The following WDFY3 variants were observed in gnomAD, a reference collection of about 807,000 sequenced individuals.
The protein encoded by WDFY3 is WD repeat and FYVE domain-containing protein 3.
A neutral mutation model predicts 409.6 loss-of-function variants in WDFY3; 66 were observed. That is an observed-to-expected ratio of 0.16 (90% CI 0.13 to 0.20). The LOEUF (loss-of-function observed/expected upper bound fraction) is 0.20. Among genes scored for constraint, WDFY3 ranks in the 10% least tolerant of loss-of-function variants. WDFY3 has a pLI of 1.00. For synonymous variants in WDFY3, 1,521 were observed against 1,537.1 expected (o/e 0.99, Z 0.25); for missense variants, 3,031 against 4,298.1 (o/e 0.71, Z 8.24).
chr4:84,794,557 A>G lies in WDFY3; in HGVS notation c.3449T>C (p.Leu1150Pro). 1 of 1,614,136 alleles carries G rather than the reference A, an allele frequency of 6.2e-7. No individual in the cohort carries two copies. Among genetic ancestry groups the G allele is most frequent in the Non-Finnish European group, 8.5e-7 (1 of 1,180,004 alleles). The change falls in exon 21 of 68, where the codon CTG becomes CCG. Residue 1150 changes from leucine to proline, a missense_variant. Leu to Pro is a moderately conservative substitution (Grantham distance 98). This residue lies in a region of WDFY3 where 1,322 missense variants were observed against 1,697.9 expected (regional missense o/e 0.78). Transcript: ENST00000295888. ...GAGTTCCTCTTTGGTGGAAACAATC[A>G]GAGATCGGTCTTTTGCTGATAGAAC... ...AIVLSAKDRS[L>P]IVSTKEELLQ...
intron 42 of WDFY3, among the ~76,000 whole-genome samples, chr4:84,735,539 C>A (rs183424556): frequency 3.3e-5 from 5 of 152,336 alleles, no homozygotes; most frequent in Non-Finnish European, 7.3e-5. Flanking sequence ...AGCACTGCAG[C>A]CTGACTTTTC....
At chr4:84,709,465 A>ATTAGTGGGTCATAAAATCAGT (rs1732526272) in intron 51 of WDFY3, 118 bp from the exon 52 acceptor site, 3 of 744,802 alleles carry the variant, frequency 4.0e-6, no homozygotes, top group Non-Finnish European at 6.5e-6. Context: ...TGGAGGATCT[A>ATTAGTGGGTCATAAAATCAGT]TTAGTGGGTC....
chr4:84,904,170 A>G (rs112726937), intron 2 of WDFY3, among the ~76,000 whole-genome samples: 20 of 152,302 alleles, frequency 1.3e-4, no homozygotes, highest in African/African-American at 4.8e-4. Context: ...CAGACACTGA[A>G]TCTGCTGGTG....
Position 84,672,844 on chromosome 4 carries a change from G to A in WDFY3, c.*24C>T. 6 of 1,613,650 alleles carry A rather than the reference G, an allele frequency of 3.7e-6. No homozygotes were observed. The highest frequency in any genetic ancestry group is 5.1e-6 in the Non-Finnish European group (6 of 1,179,802). ...ATCGGGAAGGGGTCTACAGACCATG[G>A]TCTCCACTCAGCTTGTTGAATCTTC... On this transcript the variant is annotated 3_prime_UTR_variant, in exon 68 of 68. Transcript: ENST00000295888.
At chr4:84,775,160 G>A (rs1027849532) in intron 27 of WDFY3, 22 bp from the exon 28 acceptor site, 2 of 1,603,512 alleles carry the variant, frequency 1.2e-6, no homozygotes, top group African/African-American at 1.3e-5. Flanking sequence ...AAAAACAGTA[G>A]TATATTTAAG....
At chr4:84,871,461 G>A (rs1156783801) in intron 3 of WDFY3, among the ~76,000 whole-genome samples, 2 of 152,044 alleles carry the variant, frequency 1.3e-5, no homozygotes, top group African/African-American at 4.8e-5. Flanking sequence ...GACTTCCTCA[G>A]ATAAGCAAAA....
intron 2 of WDFY3, among the ~76,000 whole-genome samples, chr4:84,928,129 C>G (rs961468142): frequency 1.3e-5 from 2 of 152,194 alleles, no homozygotes; most frequent in Non-Finnish European, 2.9e-5. Context: ...AACAAAAAAG[C>G]AGAAGAAGGG....
intron 1 of WDFY3, among the ~76,000 whole-genome samples, chr4:84,936,571 A>C (rs1362667325): frequency 6.6e-6 from 1 of 152,098 alleles, no homozygotes; most frequent in African/African-American, 2.4e-5. Context: ...TTTTTTTCCA[A>C]ATAGCCCAGA....
chr4:84,693,103 T>C (rs776547652), intron 58 of WDFY3, 71 bp from the exon 59 acceptor site: 2 of 1,462,452 alleles, frequency 1.4e-6, no homozygotes, highest in Non-Finnish European at 1.9e-6. Context: ...ATGCCAGGCA[T>C]TGTGTTCTTA....
intron 50 of WDFY3, 112 bp from the exon 51 acceptor site, chr4:84,713,351 A>C: frequency 1.1e-6 from 1 of 886,282 alleles, no homozygotes; most frequent in Non-Finnish European, 1.8e-6. Context: ...CTACCCTCCC[A>C]TAACCCACTA....
At chr4:84,955,295 A>C (rs1435644093) in intron 1 of WDFY3, among the ~76,000 whole-genome samples, 5 of 148,688 alleles carry the variant, frequency 3.4e-5, no homozygotes, top group Non-Finnish European at 1.5e-5. Flanking sequence ...AATTAAGAAG[A>C]ATGCCATGTA....
At chr4:84,876,365 TACTA>T (rs1469495796) in intron 3 of WDFY3, among the ~76,000 whole-genome samples, 32 of 152,242 alleles carry the variant, frequency 2.1e-4, no homozygotes, top group African/African-American at 7.0e-4. Context: ...TTAATTGTAT[TACTA>T]ACTATTTAAC....
intron 51 of WDFY3, among the ~76,000 whole-genome samples, chr4:84,710,916 T>C (rs1378629391): frequency 6.6e-6 from 1 of 152,206 alleles, no homozygotes. Context: ...AACATGTTTC[T>C]GGGGTTAAAA....
intron 27 of WDFY3, 95 bp from the exon 28 acceptor site, chr4:84,775,233 A>C (rs560747562): frequency 9.9e-7 from 1 of 1,007,950 alleles, no homozygotes; most frequent in East Asian, 2.6e-5. Flanking sequence ...AACTTATTTC[A>C]CTTATATAAT....
At chr4:84,681,288 T>C (rs1028470243) in intron 64 of WDFY3, among the ~76,000 whole-genome samples, 13 of 152,192 alleles carry the variant, frequency 8.5e-5, no homozygotes, top group African/African-American at 2.9e-4. Context: ...TCCACTGTTA[T>C]TTACTTAAAA....
intron 30 of WDFY3, among the ~76,000 whole-genome samples, chr4:84,769,660 G>A (rs1284218096): frequency 3.3e-5 from 5 of 152,060 alleles, no homozygotes; most frequent in Non-Finnish European, 7.4e-5. Flanking sequence ...CTGACCTCGT[G>A]ATCCACCCGC....
At chr4:84,903,070 GA>G (rs1314086399) in intron 2 of WDFY3, among the ~76,000 whole-genome samples, 2 of 152,030 alleles carry the variant, frequency 1.3e-5, no homozygotes, top group South Asian at 2.1e-4. Context: ...AGGACTTTTA[GA>G]AAAAATTATT....
chr4:84,763,368 C>A (rs547118130), intron 32 of WDFY3, among the ~76,000 whole-genome samples: 4 of 151,116 alleles, frequency 2.6e-5, no homozygotes, highest in East Asian at 2.0e-4. Flanking sequence ...CATCATGCAC[C>A]GGGGTCTGTT....
intron 1 of WDFY3, among the ~76,000 whole-genome samples, chr4:84,948,933 C>T (rs1773248264): frequency 1.3e-5 from 2 of 152,130 alleles, no homozygotes; most frequent in African/African-American, 4.8e-5. Flanking sequence ...CACACACACA[C>T]CCTCCTATTT....
Sources: gnomAD v4.1 joint callset for allele counts (sites outside exome capture counted in the v4.1 genomes callset) on GRCh38, gnomAD v4.1.1 for gene constraint, gnomAD v4.1.1 regional missense constraint, MANE v1.5 for transcripts, NCBI Gene and HGNC (gene_info 2026-07-23, HGNC 2026-07-21) for gene names.